ANKRD28: variants seen among roughly 807,000 people sequenced by gnomAD.
The protein encoded by ANKRD28 is ankyrin repeat domain 28, also known as serine/threonine-protein phosphatase 6 regulatory ankyrin repeat subunit A.
A neutral mutation model predicts 126.5 loss-of-function variants in ANKRD28; 44 were observed. The ratio of observed to expected loss-of-function variants is 0.35; its 90% CI spans 0.27 to 0.45. The LOEUF is 0.45. Among genes scored for constraint, ANKRD28 ranks in the 20% least tolerant of loss-of-function variants. The pLI, the probability that ANKRD28 is intolerant of heterozygous loss-of-function variation, is 1.00. For synonymous variants in ANKRD28, 442 were observed against 468.5 expected (o/e 0.94, Z 0.73); for missense variants, 1,110 against 1,316.6 (o/e 0.84, Z 2.43).
intron 14 of ANKRD28, 58 bp from the exon 15 acceptor site, chr3:15,696,303 TAA>T (rs1559354567): frequency 9.0e-7 from 1 of 1,113,284 alleles, no homozygotes; most frequent in Non-Finnish European, 1.3e-6. Context: ...TAACCAATGA[TAA>T]AAAGAGACTG....
intron 27 of ANKRD28, among the ~76,000 whole-genome samples, chr3:15,671,578 GTTTTTTTTTTGT>G: frequency 7.1e-6 from 1 of 141,360 alleles, no homozygotes; most frequent in African/African-American, 2.7e-5. Flanking sequence ...AAACACTATA[GTTTTTTTTTTGT>G]TTTTTTTTTT....
intron 14 of ANKRD28, among the ~76,000 whole-genome samples, chr3:15,697,064 T>C (rs922762743): frequency 6.6e-6 from 1 of 151,962 alleles, no homozygotes; most frequent in South Asian, 2.1e-4. Flanking sequence ...AACGAACGAG[T>C]GCGTAAAGAA....
chr3:15,825,722 A>G (rs1371602898), intron 1 of ANKRD28, among the ~76,000 whole-genome samples: 1 of 152,222 alleles, frequency 6.6e-6, no homozygotes, highest in Non-Finnish European at 1.5e-5. Flanking sequence ...AACAAAACCA[A>G]TAAAAGATTC....
chr3:15,719,095 G>A (rs1370033168), intron 8 of ANKRD28, among the ~76,000 whole-genome samples: 2 of 152,066 alleles, frequency 1.3e-5, no homozygotes, highest in Non-Finnish European at 2.9e-5. Flanking sequence ...TTAAAAAGAT[G>A]GTTTAGCTCT....
At chr3:15,672,330 C>G (rs1232708474) in intron 27 of ANKRD28, among the ~76,000 whole-genome samples, 4 of 151,774 alleles carry the variant, frequency 2.6e-5, no homozygotes, top group Admixed American at 2.0e-4. Context: ...TTTGTAGATA[C>G]AGGGTCTCGC....
At position 15,797,782 on chromosome 3, in the gene ANKRD28, T is replaced by C. The variant is rs2060344501; in HGVS notation, c.-1261A>G. 11 of 985,340 alleles carry C rather than the reference T, an allele frequency of 1.1e-5. No individual in the cohort carries two copies. Among genetic ancestry groups the C allele is most frequent in the Non-Finnish European group, 1.2e-5 (10 of 829,958 alleles). 61.0% of individuals were successfully genotyped at this position (985,340 alleles called of 1,614,324 possible). ...ACAGTTATCCTTTTCAGATTTCAAA[T>C]GCTTTCCTGTTCCTCAGATGATCTT... On this transcript the variant is annotated 5_prime_UTR_variant, in exon 1 of 28. Coordinates refer to ENST00000683139, the MANE Select transcript of ANKRD28 (RefSeq NM_001349278.2).
chr3:15,850,224 T>TATATAGAGAGAG lies in ANKRD28; in HGVS notation c.27+9152_27+9153insCTCTCTCTATAT, dbSNP rs1418223588. Among the ~76,000 whole-genome samples the TATATAGAGAGAG allele has an allele frequency of 2.1e-3, 72 of 35,096 alleles. 1 individual carries two copies. Among genetic ancestry groups the TATATAGAGAGAG allele is most frequent in the East Asian group, 6.0e-3 (4 of 666 alleles). The allele number at this position is 35,096 out of a possible 152,430, so 23.0% of individuals were successfully genotyped here. ...AAAAAAATATATATATATATATATA[T>TATATAGAGAGAG]AGAGAGAGAGAGAGAGAGAGAGAGA... On this transcript the variant is annotated intron_variant, in intron 1 of 27. Transcript: ENST00000399451.
chr3:15,844,897 TCA>T (rs1332716438), intron 1 of ANKRD28, among the ~76,000 whole-genome samples: 2 of 152,202 alleles, frequency 1.3e-5, no homozygotes, highest in African/African-American at 4.8e-5. Context: ...TTTAATTGGC[TCA>T]CAGTTTGGCA....
At position 15,797,962 on chromosome 3, in the gene ANKRD28, T is replaced by C; in HGVS notation, c.-1441A>G. The C allele has an allele frequency of 1.0e-6, 1 of 985,368 alleles. No individual in the cohort carries two copies. The highest frequency in any genetic ancestry group is 1.2e-6 in the Non-Finnish European group (1 of 829,904). 61.0% of individuals were successfully genotyped at this position (985,368 alleles called of 1,614,324 possible). On this transcript the variant is annotated 5_prime_UTR_variant, in exon 1 of 28. Transcript: ENST00000683139. ...GAAATGCCTAGTAATGCTCACATGT[T>C]ACACTTACCAGAGATCTGAGCTACT...
intron 21 of ANKRD28, 46 bp from the exon 22 acceptor site, chr3:15,679,609 T>A (rs2067308493): frequency 1.4e-6 from 2 of 1,476,412 alleles, no homozygotes; most frequent in Admixed American, 3.9e-5. Context: ...AAGGAGATAC[T>A]GGCAAAAATC....
chr3:15,809,889 T>C (rs994488285), intron 1 of ANKRD28, among the ~76,000 whole-genome samples: 1 of 152,214 alleles, frequency 6.6e-6, no homozygotes, highest in African/African-American at 2.4e-5. Flanking sequence ...AATGTGCTTG[T>C]TGCAATTCAA....
intron 2 of ANKRD28, among the ~76,000 whole-genome samples, chr3:15,775,995 T>G (rs13062323): frequency 0.73 from 110,458 of 152,078 alleles, 40,357 homozygotes; most frequent in East Asian, 0.93. Context: ...CCCTCATCTT[T>G]AAGCTATCTG....
chr3:15,704,302 C>G (rs1183831086), intron 14 of ANKRD28, among the ~76,000 whole-genome samples: 3 of 151,730 alleles, frequency 2.0e-5, no homozygotes, highest in Non-Finnish European at 4.4e-5. Flanking sequence ...GAATGAGTCA[C>G]GGAAGATTTC....
At chr3:15,811,568 C>T (rs2060712580) in intron 1 of ANKRD28, among the ~76,000 whole-genome samples, 1 of 152,026 alleles carries the variant, frequency 6.6e-6, no homozygotes, top group Non-Finnish European at 1.5e-5. Context: ...GATTCTCCTG[C>T]CTCAGCCTCC....
intron 5 of ANKRD28, among the ~76,000 whole-genome samples, chr3:15,736,067 C>A (rs1420781841): frequency 6.6e-6 from 1 of 152,194 alleles, no homozygotes; most frequent in Non-Finnish European, 1.5e-5. Flanking sequence ...GGATTCTTTA[C>A]ACTGGAAAAT....
At chr3:15,746,944 G>GGATGGAT (rs2057515739) in intron 4 of ANKRD28, among the ~76,000 whole-genome samples, 3 of 152,100 alleles carry the variant, frequency 2.0e-5, no homozygotes, top group Non-Finnish European at 2.9e-5. Context: ...ATATTTCCAG[G>GGATGGAT]AGTTTATCCA....
At chr3:15,740,927 G>A (rs1039511129) in intron 4 of ANKRD28, among the ~76,000 whole-genome samples, 3 of 152,168 alleles carry the variant, frequency 2.0e-5, no homozygotes, top group Admixed American at 6.5e-5. Flanking sequence ...CAGGCCTGGT[G>A]CGGTGGCTCA....
Position 15,729,613 on chromosome 3 carries a change from C to T in ANKRD28, c.641-5089G>A, listed in dbSNP as rs138984853. 1.7e-4 allele frequency among the ~76,000 whole-genome samples: 26 copies of T among 152,160 alleles called. No individual in the cohort carries two copies. The East Asian group carries it at 3.3e-3, about 19-fold the overall frequency. On this transcript the variant is annotated intron_variant, in intron 6 of 27. Transcript: ENST00000683139. ...TATTAGTTACATTGAAGAAATTGCT[C>T]GTGATGTCATTTTAAAAATCCCTTC...
intron 21 of ANKRD28, chr3:15,684,757 C>A: frequency 6.6e-6 from 1 of 152,012 alleles, no homozygotes; most frequent in Non-Finnish European, 1.4e-5. Context: ...AAAATACAAG[C>A]ACACTATATA....
Sources: allele counts gnomAD v4.1 joint callset (sites outside exome capture counted in the v4.1 genomes callset), GRCh38; gene constraint gnomAD v4.1.1; transcripts MANE v1.5; gene names NCBI Gene and HGNC (gene_info 2026-07-23, HGNC 2026-07-21).